YBX3: variants seen among roughly 807,000 people sequenced by gnomAD.
YBX3 encodes Y-box binding protein 3, also known as Y-box-binding protein 3.
In YBX3, 29 loss-of-function variants were observed where a neutral mutation model predicts 42.4. The observed-to-expected ratio is 0.68, with a 90% CI of 0.51 to 0.93. The LOEUF (loss-of-function observed/expected upper bound fraction) is 0.93. Among genes scored for constraint, YBX3 ranks in the 40% least tolerant of loss-of-function variants. YBX3 has a pLI of 0.00. For missense variants in YBX3, 517 were observed against 527.5 expected, an observed-to-expected ratio of 0.98 and a Z score of 0.19; for synonymous variants, 195 against 189.8, an observed-to-expected ratio of 1.03 and a Z score of -0.22.
At chr12:10,718,515 C>T (rs922456717) in intron 2 of YBX3, 4 of 182,390 alleles carry the variant, frequency 2.2e-5, no homozygotes, top group East Asian at 3.1e-4. Flanking sequence ...AAACAGCCCC[C>T]CACCCCCACC....
intron 1 of YBX3, among the ~76,000 whole-genome samples, chr12:10,721,439 TG>T (rs1188969542): frequency 6.6e-6 from 1 of 152,244 alleles, no homozygotes; most frequent in Non-Finnish European, 1.5e-5. Flanking sequence ...AACACTGCTT[TG>T]GAGAACACAA....
Position 10,701,103 on chromosome 12 carries a change from C to A in YBX3, c.*34+151G>T, listed in dbSNP as rs192573914. On this transcript the variant is annotated intron_variant, in intron 9 of 9. Transcript: ENST00000228251. The stretch of plus-strand genomic sequence containing the variant: ...GTCAATCCCAGAAATATTTAACCAC[C>A]AAATCACTTTTTCCACAGAGTCCCA... 32 of 542,170 alleles carry A rather than the reference C, an allele frequency of 5.9e-5. No homozygotes were observed. In the East Asian group the frequency reaches 9.8e-4, roughly 17 times the overall value. 33.6% of individuals were successfully genotyped at this position (542,170 alleles called of 1,614,324 possible).
chr12:10,706,845 G>A (rs1206535877), intron 6 of YBX3, among the ~76,000 whole-genome samples: 2 of 151,938 alleles, frequency 1.3e-5, no homozygotes, highest in South Asian at 2.1e-4. Flanking sequence ...GTGAAACCTC[G>A]TTTCTACTAA....
chr12:10,718,075 T>C lies in YBX3; in HGVS notation c.360+13A>G. ...CCTCACATAGCAAATGTAGTATTTATAATCCCTCTTACCTGATGTACAAAT... is the reference window on the plus strand; with the variant it reads ...CCTCACATAGCAAATGTAGTATTTACAATCCCTCTTACCTGATGTACAAAT... On this transcript the variant is annotated intron_variant, in intron 3 of 9. Transcript: ENST00000228251. 6.2e-7 allele frequency: 1 copy of C among 1,606,928 alleles called. No homozygotes were observed. The highest frequency in any genetic ancestry group is 8.5e-7 in the Non-Finnish European group (1 of 1,176,360).
chr12:10,709,367 C>T (rs1948172509), intron 6 of YBX3, among the ~76,000 whole-genome samples: 1 of 152,182 alleles, frequency 6.6e-6, no homozygotes, highest in South Asian at 2.1e-4. Flanking sequence ...CAACAACCTC[C>T]ATTCTGGTAG....
At chr12:10,701,136 C>A in intron 9 of YBX3, 118 bp downstream of exon 9, 1 of 621,644 alleles carries the variant, frequency 1.6e-6, no homozygotes, top group Non-Finnish European at 2.9e-6. Flanking sequence ...CCAATAGAGA[C>A]AAGGGGTTGG....
chr12:10,718,799 T>C (rs1350656599), intron 2 of YBX3, among the ~76,000 whole-genome samples: 1 of 152,240 alleles, frequency 6.6e-6, no homozygotes, highest in Non-Finnish European at 1.5e-5. Context: ...AAATTATGGA[T>C]ATGGTCTCAT....
intron 7 of YBX3, chr12:10,703,486 T>G (rs1438454803): frequency 2.9e-6 from 1 of 341,282 alleles, no homozygotes; most frequent in Admixed American, 3.7e-5. Flanking sequence ...CTTTACTTTA[T>G]CAGGTACCAC....
intron 5 of YBX3, chr12:10,710,625 T>C: frequency 8.2e-7 from 1 of 1,215,120 alleles, no homozygotes; most frequent in South Asian, 1.3e-5. Context: ...GTCAAACTAT[T>C]GCCATAATAT....
At chr12:10,703,105 G>C (rs1032999947) in intron 7 of YBX3, 1 of 151,850 alleles carries the variant, frequency 6.6e-6, no homozygotes, top group African/African-American at 2.4e-5. Flanking sequence ...AAAGTCCCTA[G>C]TACTTAATCA....
intron 6 of YBX3, among the ~76,000 whole-genome samples, chr12:10,707,756 T>C (rs1407175493): frequency 6.6e-6 from 1 of 152,178 alleles, no homozygotes; most frequent in East Asian, 1.9e-4. Flanking sequence ...TCTCACCTCA[T>C]ACCCTCTCCC....
chr12:10,701,403 A>G (rs769840054), intron 8 of YBX3, 50 bp from the exon 9 acceptor site: 4 of 777,698 alleles, frequency 5.1e-6, no homozygotes, highest in South Asian at 2.7e-5. Flanking sequence ...ATGACAGTGG[A>G]AAGTTCAAGA....
At position 10,713,318 on chromosome 12, in the gene YBX3, T is replaced by G; in HGVS notation, c.466A>C (p.Asn156His). 6.2e-7 allele frequency: 1 copy of G among 1,613,928 alleles called. No homozygotes were observed. The highest frequency in any genetic ancestry group is 2.2e-5 in the East Asian group (1 of 44,870). The change falls in exon 5 of 10, where the codon AAT becomes CAT. Residue 156 changes from asparagine (N) to histidine (H), a missense_variant. Around this residue, in one of 3 missense-constraint regions of YBX3, gnomAD observed 420 missense variants for 408.5 expected, o/e 1.03. Transcript: ENST00000228251. ...VEGEKGAEAA[N>H]VTGPDGVPVE... ...GGAACTCCATCCGGGCCAGTCACAT[T>G]GGCAGCTTCTGCACCCTGAGAAGAA...
At position 10,701,274 on chromosome 12, in the gene YBX3, T is replaced by C. The variant is rs766024176; in HGVS notation, c.*14A>G. Reference sequence around the variant, plus strand: ...CTTACCTGCCGATGGTGAAGGTGCCTGAGGAGCCTGGTGTTACTCAGCACT... The same window carrying C: ...CTTACCTGCCGATGGTGAAGGTGCCCGAGGAGCCTGGTGTTACTCAGCACT... On this transcript the variant is annotated 3_prime_UTR_variant, in exon 9 of 10. Coordinates refer to ENST00000228251, the MANE Select transcript of YBX3 (RefSeq NM_003651.5). The C allele has an allele frequency of 3.8e-6, 3 of 780,042 alleles. No individual in the cohort carries two copies. The highest frequency in any genetic ancestry group is 1.7e-5 in the African/African-American group (1 of 59,112). 48.3% of individuals were successfully genotyped at this position (780,042 alleles called of 1,614,324 possible). A position where few individuals can be genotyped will look rare whatever the true frequency, so the allele number is the denominator to read the frequency against.
chr12:10,717,760 C>T (rs563442839), intron 3 of YBX3: 125 of 183,246 alleles, frequency 6.8e-4, no homozygotes, highest in Admixed American at 1.7e-3. Context: ...GGAGGAACCA[C>T]ATCAGGAGAA....
chr12:10,701,325 T>C lies in YBX3; in HGVS notation c.1082A>G (p.Asn361Ser). The change falls in exon 9 of 10, where the codon AAC (asparagine) becomes AGC (serine). Residue 361 changes from asparagine to serine, a missense_variant. Asn to Ser is a conservative substitution (Grantham distance 46, BLOSUM62 1). This residue lies in a region of YBX3 where 420 missense variants were observed against 408.5 expected (regional missense o/e 1.03). Coordinates refer to ENST00000228251, the MANE Select transcript of YBX3 (RefSeq NM_003651.5). ...GCTCTGCTGGGTGGGTGGAGCAGGGTTCTCAGTTGGTGCTTCACCTGCCTT... is the reference window on the plus strand; with the variant it reads ...GCTCTGCTGGGTGGGTGGAGCAGGGCTCTCAGTTGGTGCTTCACCTGCCTT... ...EAKAGEAPTE[N>S]PAPPTQQSSA... The C allele has an allele frequency of 2.6e-6, 2 of 780,892 alleles. No homozygotes were observed. The highest frequency in any genetic ancestry group is 4.8e-6 in the Non-Finnish European group (2 of 418,100). 48.4% of individuals were successfully genotyped at this position (780,892 alleles called of 1,614,324 possible). A position where few individuals can be genotyped will look rare whatever the true frequency, so the allele number is the denominator to read the frequency against.
chr12:10,703,768 C>T, intron 7 of YBX3: 1 of 343,528 alleles, frequency 2.9e-6, no homozygotes, highest in East Asian at 6.5e-5. Flanking sequence ...CAGAATTGCC[C>T]ACCAATAATT....
At chr12:10,711,166 T>G (rs1333950221) in intron 5 of YBX3, 1 of 152,142 alleles carries the variant, frequency 6.6e-6, no homozygotes, top group Non-Finnish European at 1.5e-5. Context: ...TTTCTTCTAT[T>G]TAAATTATAT....
intron 2 of YBX3, 195 bp from the exon 3 acceptor site, chr12:10,718,316 C>A: frequency 2.0e-6 from 1 of 501,734 alleles, no homozygotes; most frequent in Non-Finnish European, 3.5e-6. Context: ...CCTTCCTCCT[C>A]CACATTGCCA....
Sources: allele counts gnomAD v4.1 joint callset (sites outside exome capture counted in the v4.1 genomes callset), GRCh38; gene constraint gnomAD v4.1.1; regional missense constraint gnomAD v4.1.1; transcripts MANE v1.5; gene names NCBI Gene and HGNC (gene_info 2026-07-23, HGNC 2026-07-21).